The following CNOT2 variants were observed in gnomAD, a reference collection of about 807,000 sequenced individuals.
CNOT2 encodes the protein CCR4-NOT transcription complex subunit 2.
A neutral mutation model predicts 72.1 loss-of-function variants in CNOT2; 7 were observed. The observed-to-expected ratio is 0.10, with a 90% CI of 0.06 to 0.18. The LOEUF (loss-of-function observed/expected upper bound fraction) is 0.18, where lower values mean the gene tolerates loss of function less well. CNOT2 is among the 10% of genes least tolerant of loss of function. The pLI is 1.00. For synonymous variants in CNOT2, 196 were observed against 225.6 expected, an observed-to-expected ratio of 0.87 and a Z score of 1.17; for missense variants, 345 against 660.3, an observed-to-expected ratio of 0.52 and a Z score of 5.23.
intron 2 of CNOT2, 64 bp from the exon 3 acceptor site, chr12:70,310,831 G>A (rs952546442): frequency 7.1e-7 from 1 of 1,417,948 alleles, no homozygotes; most frequent in Non-Finnish European, 9.8e-7. Flanking sequence ...TTCCACATAG[G>A]AGTAAGGTAA....
At chr12:70,288,260 C>T (rs1871264348) in intron 2 of CNOT2, among the ~76,000 whole-genome samples, 1 of 132,694 alleles carries the variant, frequency 7.5e-6, no homozygotes, top group Admixed American at 8.6e-5. Context: ...TCTCCTGCCT[C>T]AGCCTCCCAA....
intron 12 of CNOT2, 42 bp from the exon 13 acceptor site, chr12:70,342,216 T>G (rs999180589): frequency 1.2e-6 from 2 of 1,612,862 alleles, no homozygotes; most frequent in Non-Finnish European, 1.7e-6. Flanking sequence ...AAATTTACAA[T>G]TGAGAATCAG....
chr12:70,319,677 T>G (rs775207213), intron 4 of CNOT2, among the ~76,000 whole-genome samples: 2 of 151,628 alleles, frequency 1.3e-5, no homozygotes, highest in Non-Finnish European at 3.0e-5. Flanking sequence ...TGTTTTCAAT[T>G]AAAGGAAGTT....
At chr12:70,328,055 A>C (rs910415463) in intron 4 of CNOT2, among the ~76,000 whole-genome samples, 1 of 151,918 alleles carries the variant, frequency 6.6e-6, no homozygotes, top group African/African-American at 2.4e-5. Context: ...CATGTAATCT[A>C]GGCCAGTTCC....
chr12:70,311,818 A>G (rs1028342620), intron 3 of CNOT2, among the ~76,000 whole-genome samples: 2 of 151,914 alleles, frequency 1.3e-5, no homozygotes, highest in South Asian at 2.1e-4. Flanking sequence ...GTATAAAACA[A>G]TCTACTCTAG....
At chr12:70,292,115 C>T (rs559391783) in intron 2 of CNOT2, among the ~76,000 whole-genome samples, 2 of 152,224 alleles carry the variant, frequency 1.3e-5, no homozygotes, top group South Asian at 2.1e-4. Flanking sequence ...GAGAAAACTT[C>T]CAGATGCACC....
chr12:70,348,122 T>C (rs1324302532), intron 15 of CNOT2: 1 of 152,212 alleles, frequency 6.6e-6, no homozygotes, highest in Non-Finnish European at 1.5e-5. Flanking sequence ...ACATGCTGAT[T>C]ACAGTGCTTG....
At chr12:70,313,926 A>G (rs1036906227) in intron 3 of CNOT2, among the ~76,000 whole-genome samples, 21 of 152,280 alleles carry the variant, frequency 1.4e-4, no homozygotes, top group African/African-American at 4.8e-4. Flanking sequence ...TCTGTTTACC[A>G]TACTGATCCT....
chr12:70,346,063 T>C, intron 14 of CNOT2, 117 bp from the exon 15 acceptor site: 1 of 634,568 alleles, frequency 1.6e-6, no homozygotes, highest in Non-Finnish European at 2.7e-6. Context: ...GAAGCATTCA[T>C]ATTTATTTAT....
chr12:70,354,913 A>G lies in CNOT2; in HGVS notation c.*998A>G, dbSNP rs367816231. On this transcript the variant is annotated 3_prime_UTR_variant, in exon 16 of 16. Coordinates refer to ENST00000229195, the MANE Select transcript of CNOT2 (RefSeq NM_014515.7). ...GTTTGAACAGCAGCGTTTCATAGGA[A>G]GAGAAAAAAAGATCAATCTTGTATT... 6.6e-6 allele frequency: 1 copy of G among 152,650 alleles called. No homozygotes were observed. Among genetic ancestry groups the G allele is most frequent in the South Asian group, 2.1e-4 (1 of 4,834 alleles). 9.5% of individuals were successfully genotyped at this position (152,650 alleles called of 1,614,324 possible). A position where few individuals can be genotyped will look rare whatever the true frequency, so the allele number is the denominator to read the frequency against.
At chr12:70,271,375 C>CTTTTTTT (rs11285130) in intron 1 of CNOT2, among the ~76,000 whole-genome samples, 1 of 89,472 alleles carries the variant, frequency 1.1e-5, no homozygotes, top group Non-Finnish European at 2.2e-5. Context: ...ATCACATTTC[C>CTTTTTTT]TTTTTTTTTT....
Position 70,293,420 on chromosome 12 carries a change from A to G in CNOT2, c.48+15146A>G, listed in dbSNP as rs1398314176. 3.3e-5 allele frequency among the ~76,000 whole-genome samples: 5 copies of G among 152,256 alleles called. No individual in the cohort carries two copies. The East Asian group carries it at 5.8e-4, about 18-fold the overall frequency. The stretch of plus-strand genomic sequence containing the variant: ...GTGATCTGCCCGCCTCAGCCTCCCA[A>G]AGTGCTGGGATTACAGGCATGAGCC... On this transcript the variant is annotated intron_variant, in intron 2 of 15. Coordinates refer to ENST00000229195, the MANE Select transcript of CNOT2 (RefSeq NM_014515.7).
chr12:70,338,369 A>T lies in CNOT2; in HGVS notation c.901-74A>T, dbSNP rs1267615963. On this transcript the variant is annotated intron_variant, in intron 9 of 15. Coordinates refer to ENST00000229195, the MANE Select transcript of CNOT2 (RefSeq NM_014515.7). ...TTAAATGTAATAAAGAATAAATAGC[A>T]AGGTATTAATATGTGAACTTGAATT... is the stretch of plus-strand genomic sequence containing the variant. The T allele has an allele frequency of 7.5e-6, 9 of 1,196,786 alleles. No homozygotes were observed. In the Admixed American group the frequency reaches 9.3e-5, roughly 12 times the overall value. 74.1% of individuals were successfully genotyped at this position (1,196,786 alleles called of 1,614,324 possible).
chr12:70,245,656 T>G (rs565944835), intron 1 of CNOT2, among the ~76,000 whole-genome samples: 32 of 152,290 alleles, frequency 2.1e-4, no homozygotes, highest in African/African-American at 7.0e-4. Context: ...TGCTTGTGTA[T>G]GAGTGATTTA....
At chr12:70,298,282 C>A (rs1201569269) in intron 2 of CNOT2, among the ~76,000 whole-genome samples, 1 of 152,134 alleles carries the variant, frequency 6.6e-6, no homozygotes, top group Non-Finnish European at 1.5e-5. Flanking sequence ...GGACCTTCCT[C>A]CTCCAATCGG....
At chr12:70,336,570 A>G (rs1338874498) in intron 8 of CNOT2, 1 of 152,062 alleles carries the variant, frequency 6.6e-6, no homozygotes, top group Admixed American at 6.6e-5. Flanking sequence ...ATGAATACAA[A>G]TAACAGTATA....
intron 2 of CNOT2, among the ~76,000 whole-genome samples, chr12:70,308,584 TCACACA>T (rs58837695): frequency 3.0e-5 from 4 of 133,240 alleles, no homozygotes; most frequent in African/African-American, 1.1e-4. Flanking sequence ...TCTCTCTCTC[TCACACA>T]CACACACACA....
intron 15 of CNOT2, among the ~76,000 whole-genome samples, chr12:70,348,244 T>C (rs563504913): frequency 1.3e-5 from 2 of 152,324 alleles, no homozygotes; most frequent in South Asian, 4.1e-4. Flanking sequence ...TTAGAGCTGA[T>C]TGTTAATTAG....
At chr12:70,304,156 C>G (rs1289642288) in intron 2 of CNOT2, among the ~76,000 whole-genome samples, 1 of 151,826 alleles carries the variant, frequency 6.6e-6, no homozygotes, top group East Asian at 1.9e-4. Context: ...GAACTTCCTC[C>G]TTAGTTCGGA....
Sources: gnomAD v4.1 joint callset for allele counts (sites outside exome capture counted in the v4.1 genomes callset) on GRCh38, gnomAD v4.1.1 for gene constraint, MANE v1.5 for transcripts, NCBI Gene and HGNC (gene_info 2026-07-23, HGNC 2026-07-21) for gene names.